Variants in NLGN1 observed in about 807,000 individuals in gnomAD.
NLGN1 encodes the protein neuroligin-1.
A neutral mutation model predicts 65.5 loss-of-function variants in NLGN1; 12 were observed. The observed-to-expected ratio is 0.18, with a 90% CI of 0.12 to 0.30. The LOEUF is 0.30. Among genes scored for constraint, NLGN1 ranks in the 10% least tolerant of loss-of-function variants. The pLI is 1.00. For missense variants in NLGN1, 750 were observed against 1,007.1 expected (o/e 0.74, Z 3.46); for synonymous variants, 350 against 359.5 (o/e 0.97, Z 0.30).
intron 3 of NLGN1, among the ~76,000 whole-genome samples, chr3:173,781,144 C>CAAAAAAAAAA (rs769716428): frequency 1.2e-5 from 1 of 80,386 alleles, no homozygotes; most frequent in African/African-American, 5.5e-5. Flanking sequence ...GACTCCGTCT[C>CAAAAAAAAAA]AAAAAAAAAA....
At chr3:173,661,585 A>G (rs1760937080) in intron 3 of NLGN1, among the ~76,000 whole-genome samples, 1 of 151,958 alleles carries the variant, frequency 6.6e-6, no homozygotes, top group Non-Finnish European at 1.5e-5. Context: ...TGAAAAAAGA[A>G]TTTCTTCTTT....
rs1204209599 is a variant in NLGN1, at chr3:174,263,764, G to A, written c.647-11551G>A. 8.6e-5 allele frequency among the ~76,000 whole-genome samples: 13 copies of A among 151,896 alleles called. No individual in the cohort carries two copies. In the East Asian group the frequency reaches 2.5e-3, roughly 29 times the overall value. ...GTGATTTTGCTTGTTAGTTGACGCA[G>A]TTTCTTCCTAGTCTTGATGGTCTTT... On this transcript the variant is annotated intron_variant, in intron 4 of 6. Transcript: ENST00000457714.
At chr3:174,211,758 C>T (rs1291028087) in intron 4 of NLGN1, among the ~76,000 whole-genome samples, 1 of 151,376 alleles carries the variant, frequency 6.6e-6, no homozygotes, top group African/African-American at 2.4e-5. Flanking sequence ...TTTTCCAAGG[C>T]CCCACCAGAG....
intron 3 of NLGN1, among the ~76,000 whole-genome samples, chr3:173,709,404 G>A (rs1040075928): frequency 1.7e-4 from 26 of 152,152 alleles, no homozygotes; most frequent in Non-Finnish European, 1.6e-4. Context: ...CAGTCAAAAC[G>A]ATCCTGTGTT....
chr3:173,503,832 A>G (rs889751486), intron 2 of NLGN1, among the ~76,000 whole-genome samples: 1 of 152,108 alleles, frequency 6.6e-6, no homozygotes, highest in Non-Finnish European at 1.5e-5. Flanking sequence ...TAATTTTTAC[A>G]TTATATAAAT....
chr3:173,864,299 A>G (rs1729700653), intron 4 of NLGN1, among the ~76,000 whole-genome samples: 1 of 152,166 alleles, frequency 6.6e-6, no homozygotes, highest in African/African-American at 2.4e-5. Context: ...AGATGTACAT[A>G]TTGGCAATTT....
At chr3:173,814,430 T>G (rs548636604) in intron 4 of NLGN1, among the ~76,000 whole-genome samples, 1 of 152,344 alleles carries the variant, frequency 6.6e-6, no homozygotes, top group South Asian at 2.1e-4. Context: ...ATTTGTCCTG[T>G]GGCGACAGGT....
intron 4 of NLGN1, among the ~76,000 whole-genome samples, chr3:174,044,787 G>A (rs1045462456): frequency 1.3e-5 from 2 of 152,096 alleles, no homozygotes; most frequent in Non-Finnish European, 2.9e-5. Context: ...GTCATGGGAG[G>A]GACCTGGTGG....
chr3:173,590,148 C>T (rs1050157420), intron 2 of NLGN1, among the ~76,000 whole-genome samples: 1 of 152,032 alleles, frequency 6.6e-6, no homozygotes, highest in Non-Finnish European at 1.5e-5. Flanking sequence ...AAAACTTGAG[C>T]AATTTAATAG....
chr3:174,028,167 T>C (rs1420798650), intron 4 of NLGN1, among the ~76,000 whole-genome samples: 2 of 152,162 alleles, frequency 1.3e-5, no homozygotes, highest in Non-Finnish European at 2.9e-5. Flanking sequence ...AGTAAATTGG[T>C]ACTGGTTGAG....
At chr3:173,416,364 C>T (rs1479934407) in intron 1 of NLGN1, among the ~76,000 whole-genome samples, 2 of 152,160 alleles carry the variant, frequency 1.3e-5, no homozygotes, top group East Asian at 1.9e-4. Flanking sequence ...ATATGCAGCA[C>T]CTCATTGGAA....
intron 4 of NLGN1, among the ~76,000 whole-genome samples, chr3:174,177,425 G>A (rs548229183): frequency 5.9e-5 from 9 of 152,024 alleles, no homozygotes; most frequent in Admixed American, 3.3e-4. Flanking sequence ...GATTAGAAGC[G>A]ATGACCATAT....
intron 4 of NLGN1, among the ~76,000 whole-genome samples, chr3:173,965,700 C>G (rs560830010): frequency 6.6e-6 from 1 of 152,138 alleles, no homozygotes; most frequent in East Asian, 1.9e-4. Context: ...TGGATTTTCT[C>G]TTTTTCAGGA....
At chr3:174,278,323 C>T (rs1750962736) in intron 5 of NLGN1, among the ~76,000 whole-genome samples, 1 of 151,902 alleles carries the variant, frequency 6.6e-6, no homozygotes, top group Non-Finnish European at 1.5e-5. Context: ...TCAGGGCCAA[C>T]CCCAGGGTAT....
At chr3:173,406,871 T>C (rs1718805141) in intron 1 of NLGN1, among the ~76,000 whole-genome samples, 1 of 152,130 alleles carries the variant, frequency 6.6e-6, no homozygotes, top group East Asian at 1.9e-4. Flanking sequence ...ACCTACCTGC[T>C]TTGCTTAAAA....
intron 4 of NLGN1, among the ~76,000 whole-genome samples, chr3:174,176,777 G>A (rs377539701): frequency 2.0e-5 from 3 of 151,976 alleles, no homozygotes; most frequent in East Asian, 1.9e-4. Flanking sequence ...ATGCAACAAC[G>A]CAAACACTTA....
In NLGN1 at chr3:173,461,449, A is replaced by G. The variant is rs1006402470; in HGVS notation, c.-321+26371A>G. On this transcript the variant is annotated intron_variant, in intron 2 of 6. Transcript: ENST00000457714. ...AATTCTCAAATGGGGGAAAGATTCT[A>G]TTATGACCATTATATAGACATGGAT... Among the ~76,000 whole-genome samples the G allele has an allele frequency of 8.5e-5, 13 of 152,212 alleles. No homozygotes were observed. The East Asian group carries it at 1.9e-3, about 23-fold the overall frequency.
intron 3 of NLGN1, among the ~76,000 whole-genome samples, chr3:173,699,701 A>G (rs1242443188): frequency 6.6e-6 from 1 of 152,242 alleles, no homozygotes; most frequent in African/African-American, 2.4e-5. Flanking sequence ...TGGGAATTAT[A>G]AAATCCAGAG....
At chr3:173,608,832 T>C (rs973910811) in intron 3 of NLGN1, among the ~76,000 whole-genome samples, 5 of 151,920 alleles carry the variant, frequency 3.3e-5, no homozygotes, top group Non-Finnish European at 7.4e-5. Flanking sequence ...ACAGACTTAA[T>C]GCTCACCTTA....
Sources: allele counts gnomAD v4.1 joint callset (sites outside exome capture counted in the v4.1 genomes callset), GRCh38; gene constraint gnomAD v4.1.1; transcripts MANE v1.5; gene names NCBI Gene and HGNC (gene_info 2026-07-23, HGNC 2026-07-21).